Variants in TMEM132B observed in about 807,000 individuals in gnomAD.
TMEM132B encodes the protein transmembrane protein 132B.
A neutral mutation model predicts 90.8 loss-of-function variants in TMEM132B; 18 were observed. The observed-to-expected ratio is 0.20, with a 90% CI of 0.14 to 0.29. TMEM132B has a LOEUF of 0.29. Among genes scored for constraint, TMEM132B ranks in the 10% least tolerant of loss-of-function variants. TMEM132B has a pLI of 1.00. For missense variants in TMEM132B, 1,096 were observed against 1,326.8 expected (o/e 0.83, Z 2.70); for synonymous variants, 504 against 523.3 (o/e 0.96, Z 0.50).
rs1265306322 is a variant in TMEM132B, at chr12:125,186,844, G to T, written c.45G>T (p.Ala15=). ...CGCCGCCGCTCGGGCTCCTGCTGGC[G>T]CTGACTGCGCTCCAGTGCCCAGGTA... The part of the protein sequence containing the change: ...GRAPPLGLLL[A]LTALQCPVTE... The change falls in exon 1 of 9, where the codon GCG becomes GCT. Residue 15 remains alanine, a synonymous_variant. Transcript: ENST00000682704. This position sits in a 1 kb window ranked among gnomAD's most constrained non-coding sequence, Gnocchi z 6.3. The T allele has an allele frequency of 6.6e-6, 1 of 152,046 alleles. No homozygotes were observed. The highest frequency in any genetic ancestry group is 2.4e-5 in the African/African-American group (1 of 41,392). The allele number at this position is 152,046 out of a possible 1,614,324, so 9.4% of individuals were successfully genotyped here.
chr12:125,575,323 CT>C (rs779469454), intron 4 of TMEM132B, among the ~76,000 whole-genome samples: 10 of 151,352 alleles, frequency 6.6e-5, no homozygotes, highest in Non-Finnish European at 1.2e-4. Context: ...AGTTGAGCAT[CT>C]TTTCATGTGT....
At chr12:125,389,249 A>C (rs1878937635) in intron 2 of TMEM132B, among the ~76,000 whole-genome samples, 1 of 152,198 alleles carries the variant, frequency 6.6e-6, no homozygotes, top group South Asian at 2.1e-4. Context: ...GCAGGATGTC[A>C]GGATAAAGCA....
chr12:125,253,611 T>C (rs954067349), intron 1 of TMEM132B, among the ~76,000 whole-genome samples: 1 of 152,070 alleles, frequency 6.6e-6, no homozygotes, highest in Non-Finnish European at 1.5e-5. Flanking sequence ...ATCTTTGTTT[T>C]TGGGCAGAGA....
chr12:125,388,451 CAAAACA>C (rs1333849198), intron 2 of TMEM132B, among the ~76,000 whole-genome samples: 5 of 152,060 alleles, frequency 3.3e-5, no homozygotes, highest in African/African-American at 1.2e-4. Flanking sequence ...AAAAACAAAA[CAAAACA>C]AAAACCTGTT....
At chr12:125,431,310 C>T (rs1232577669) in intron 3 of TMEM132B, among the ~76,000 whole-genome samples, 2 of 151,854 alleles carry the variant, frequency 1.3e-5, no homozygotes, top group Non-Finnish European at 2.9e-5. Flanking sequence ...AATGGGGGGT[C>T]CCCTTCGTGT....
At chr12:125,389,524 T>C (rs369795) in intron 2 of TMEM132B, among the ~76,000 whole-genome samples, 62,184 of 151,898 alleles carry the variant, frequency 0.41, 14,559 homozygotes, top group East Asian at 0.88. Flanking sequence ...AGCTGTGTGA[T>C]CTTGGGAAAA....
At chr12:125,621,640 C>T (rs1022662784) in intron 5 of TMEM132B, among the ~76,000 whole-genome samples, 2 of 152,162 alleles carry the variant, frequency 1.3e-5, no homozygotes, top group African/African-American at 4.8e-5. Context: ...GATTCCTTCT[C>T]AAGCAGAACT....
At chr12:125,599,303 G>A (rs1885516602) in intron 5 of TMEM132B, among the ~76,000 whole-genome samples, 1 of 152,150 alleles carries the variant, frequency 6.6e-6, no homozygotes, top group Non-Finnish European at 1.5e-5. Flanking sequence ...TGATTGTGAG[G>A]CCTCCCCAGA....
intron 5 of TMEM132B, among the ~76,000 whole-genome samples, chr12:125,631,309 T>G (rs1284606439): frequency 6.6e-6 from 1 of 152,170 alleles, no homozygotes; most frequent in Admixed American, 6.5e-5. Flanking sequence ...AAATTCCTCT[T>G]GTTATTGATT....
intron 5 of TMEM132B, among the ~76,000 whole-genome samples, chr12:125,601,597 C>A (rs1885572699): frequency 6.6e-6 from 1 of 151,922 alleles, no homozygotes; most frequent in Admixed American, 6.6e-5. Flanking sequence ...TAGCAGAAGA[C>A]AAGAAATAAC....
At chr12:125,228,733 T>C (rs1253156888) in intron 1 of TMEM132B, among the ~76,000 whole-genome samples, 1 of 152,188 alleles carries the variant, frequency 6.6e-6, no homozygotes, top group South Asian at 2.1e-4. Flanking sequence ...TGTTGGCTGC[T>C]AGAATAACAT....
chr12:125,306,987 C>T (rs768167565), intron 1 of TMEM132B, among the ~76,000 whole-genome samples: 18 of 152,226 alleles, frequency 1.2e-4, no homozygotes, highest in Non-Finnish European at 2.2e-4. Flanking sequence ...GGACTTTGCA[C>T]CTATTTCCTC....
At chr12:125,512,368 G>A (rs1323275958) in intron 3 of TMEM132B, among the ~76,000 whole-genome samples, 2 of 152,156 alleles carry the variant, frequency 1.3e-5, no homozygotes, top group Non-Finnish European at 2.9e-5. Flanking sequence ...CAGCTGATTC[G>A]AATTTTGTAA....
rs73414331 is a variant in TMEM132B, at chr12:125,494,700, G to T, written c.1107-24739G>T. On this transcript the variant is annotated intron_variant, in intron 3 of 8. Transcript: ENST00000682704. The stretch of plus-strand genomic sequence containing the variant: ...CTCCTCCCCTTCCTCCCTGAAAATG[G>T]CTGGGTCCCTCCTCCCCCTCCTCCC... Among the ~76,000 whole-genome samples the T allele has an allele frequency of 6.9e-3, 907 of 131,420 alleles. 15 individuals carry two copies. Among genetic ancestry groups the T allele is most frequent in the African/African-American group, 0.026 (870 of 33,366 alleles). 86.2% of individuals were successfully genotyped at this position (131,420 alleles called of 152,430 possible). A position where few individuals can be genotyped will look rare whatever the true frequency, so the allele number is the denominator to read the frequency against.
At chr12:125,340,005 A>G (rs1877125476) in intron 1 of TMEM132B, among the ~76,000 whole-genome samples, 2 of 152,244 alleles carry the variant, frequency 1.3e-5, no homozygotes, top group African/African-American at 4.8e-5. Context: ...GTCACACAGC[A>G]AAGAAGTTAA....
At chr12:125,220,279 C>T (rs1235634661) in intron 1 of TMEM132B, among the ~76,000 whole-genome samples, 1 of 152,188 alleles carries the variant, frequency 6.6e-6, no homozygotes, top group East Asian at 1.9e-4. Flanking sequence ...TCCTTCCTTC[C>T]TCAAGCCACC....
intron 4 of TMEM132B, among the ~76,000 whole-genome samples, chr12:125,570,013 T>TG (rs1322983577): frequency 6.6e-6 from 1 of 151,736 alleles, no homozygotes; most frequent in South Asian, 2.1e-4. Context: ...ATGATAGTGT[T>TG]GGGGGGGAAG....
At chr12:125,219,217 G>T (rs1873506676) in intron 1 of TMEM132B, among the ~76,000 whole-genome samples, 1 of 152,176 alleles carries the variant, frequency 6.6e-6, no homozygotes. Flanking sequence ...ACGTGGCAGA[G>T]ATGCAGAAAT....
chr12:125,617,596 C>T (rs1458936039), intron 5 of TMEM132B, among the ~76,000 whole-genome samples: 6 of 152,138 alleles, frequency 3.9e-5, no homozygotes, highest in African/African-American at 9.7e-5. Flanking sequence ...CCACCCCCCT[C>T]GGCCTCCCAA....
Sources: gnomAD v4.1 joint callset for allele counts (sites outside exome capture counted in the v4.1 genomes callset) on GRCh38, gnomAD v4.1.1 for gene constraint, Gnocchi (gnomAD v3.1) non-coding constraint, MANE v1.5 for transcripts, NCBI Gene and HGNC (gene_info 2026-07-23, HGNC 2026-07-21) for gene names.